Variants in TANC1 observed in about 807,000 individuals in gnomAD.
The protein encoded by TANC1 is protein TANC1.
TANC1 carries 77 observed loss-of-function variants against 149.7 expected under a neutral mutation model. The ratio of observed to expected loss-of-function variants is 0.51; its 90% CI spans 0.43 to 0.62. The LOEUF (loss-of-function observed/expected upper bound fraction) is 0.62, where lower values mean the gene tolerates loss of function less well. Among genes scored for constraint, TANC1 ranks in the 20% least tolerant of loss-of-function variants. The pLI is 0.00. For synonymous variants in TANC1, 854 were observed against 925.0 expected (o/e 0.92, Z 1.39); for missense variants, 1,985 against 2,321.8 (o/e 0.85, Z 2.98).
At chr2:159,047,516 G>C (rs2041163962) in intron 2 of TANC1, among the ~76,000 whole-genome samples, 1 of 152,028 alleles carries the variant, frequency 6.6e-6, no homozygotes, top group South Asian at 2.1e-4. Context: ...TCTATTCAAA[G>C]CCATCCCTCT....
chr2:159,109,878 A>G (rs543462666), intron 4 of TANC1, among the ~76,000 whole-genome samples: 6 of 152,362 alleles, frequency 3.9e-5, no homozygotes, highest in African/African-American at 1.2e-4. Context: ...GGAAATGCCA[A>G]GGAGAAGCTG....
At chr2:159,017,962 T>A (rs1036473470) in intron 2 of TANC1, among the ~76,000 whole-genome samples, 3 of 152,186 alleles carry the variant, frequency 2.0e-5, no homozygotes, top group African/African-American at 7.2e-5. Flanking sequence ...CTCCTATGTG[T>A]GTTGATTTAT....
chr2:159,042,068 A>G (rs934145463), intron 2 of TANC1, among the ~76,000 whole-genome samples: 1 of 152,102 alleles, frequency 6.6e-6, no homozygotes, highest in Non-Finnish European at 1.5e-5. Context: ...GGCTGAACCC[A>G]TCCCCTGTAT....
At chr2:158,998,519 A>C (rs1243818429) in intron 1 of TANC1, among the ~76,000 whole-genome samples, 1 of 152,134 alleles carries the variant, frequency 6.6e-6, no homozygotes, top group Admixed American at 6.5e-5. Flanking sequence ...AGTTGACGCT[A>C]TGTGATTGTG....
chr2:159,144,374 C>CTTTTTA (rs927664016), intron 5 of TANC1, among the ~76,000 whole-genome samples: 1 of 151,952 alleles, frequency 6.6e-6, no homozygotes, highest in Non-Finnish European at 1.5e-5. Flanking sequence ...ATGGATGTTC[C>CTTTTTA]TTTTTATTTT....
chr2:159,216,630 C>T (rs957096774), intron 19 of TANC1, among the ~76,000 whole-genome samples: 2 of 152,152 alleles, frequency 1.3e-5, no homozygotes, highest in Admixed American at 6.5e-5. Flanking sequence ...GGGAGGGTGT[C>T]GTGAGTACCC....
intron 3 of TANC1, among the ~76,000 whole-genome samples, chr2:159,096,841 C>T (rs1261831100): frequency 6.6e-6 from 1 of 152,098 alleles, no homozygotes; most frequent in Admixed American, 6.6e-5. Flanking sequence ...TTGACTGAAA[C>T]TAGAAGCGAG....
chr2:159,108,947 G>C (rs80002462), intron 4 of TANC1, among the ~76,000 whole-genome samples: 3,091 of 152,270 alleles, frequency 0.02, 55 homozygotes, highest in Non-Finnish European at 0.031. Context: ...GTGCCATGCA[G>C]GGAGCCCCTT....
chr2:158,989,758 G>A (rs890336938), intron 1 of TANC1, among the ~76,000 whole-genome samples: 1 of 152,092 alleles, frequency 6.6e-6, no homozygotes, highest in African/African-American at 2.4e-5. Context: ...AGGACTGCAT[G>A]TTTGACTTAG....
Position 159,202,996 on chromosome 2 carries a change from A to G in TANC1, c.3244+3943A>G, listed in dbSNP as rs138495622. On this transcript the variant is annotated intron_variant, in intron 19 of 26. Coordinates refer to ENST00000263635, the MANE Select transcript of TANC1 (RefSeq NM_033394.3). ...GGACTGTGTTTGCAAGTTCCAAGCC[A>G]CACTCAAGTGTGTGAGCCTGCTTGT... Among the ~76,000 whole-genome samples the G allele has an allele frequency of 7.3e-3, 1,109 of 152,210 alleles. 7 individuals are homozygous for G. Among genetic ancestry groups the G allele is most frequent in the Non-Finnish European group, 9.1e-3 (616 of 67,998 alleles).
At chr2:159,160,834 C>T (rs2053976759) in intron 7 of TANC1, among the ~76,000 whole-genome samples, 1 of 152,228 alleles carries the variant, frequency 6.6e-6, no homozygotes, top group African/African-American at 2.4e-5. Flanking sequence ...CATATAAACA[C>T]TGACCTTACA....
rs181161714 is a variant in TANC1 at position 159,100,636 on chromosome 2, G to A, written c.259+2802G>A. The stretch of plus-strand genomic sequence containing the variant: ...ATACATCTCTAACGGAGCAGTGCTT[G>A]TTCACTGCCCAAATTTGTACAGCAA... On this transcript the variant is annotated intron_variant, in intron 4 of 26. Coordinates refer to ENST00000263635, the MANE Select transcript of TANC1 (RefSeq NM_033394.3). 2.6e-5 allele frequency among the ~76,000 whole-genome samples: 4 copies of A among 152,268 alleles called. No individual in the cohort carries two copies. In the East Asian group the frequency reaches 7.7e-4, roughly 29 times the overall value.
At position 159,198,940 on chromosome 2, in the gene TANC1, G is replaced by A. The variant is rs541915644; in HGVS notation, c.3166-35G>A. The stretch of plus-strand genomic sequence containing the variant: ...GGCTATAATAAGCACCTCTTGCTAA[G>A]AGAACTCATTAAATCACCTTGCCAC... On this transcript the variant is annotated intron_variant, in intron 18 of 26. Transcript: ENST00000263635. The A allele has an allele frequency of 8.3e-5, 127 of 1,529,658 alleles. No homozygotes were observed. The South Asian group carries it at 1.4e-3, about 17-fold the overall frequency. 94.8% of individuals were successfully genotyped at this position (1,529,658 alleles called of 1,614,324 possible). A position where few individuals can be genotyped will look rare whatever the true frequency, so the allele number is the denominator to read the frequency against.
chr2:159,074,644 T>C (rs2043469276), intron 3 of TANC1, among the ~76,000 whole-genome samples: 3 of 152,226 alleles, frequency 2.0e-5, no homozygotes, highest in African/African-American at 4.8e-5. Flanking sequence ...ATATGACTTA[T>C]CTAGAAAGCT....
At chr2:159,151,127 C>T (rs777521134) in intron 7 of TANC1, among the ~76,000 whole-genome samples, 6 of 152,168 alleles carry the variant, frequency 3.9e-5, no homozygotes, top group East Asian at 1.9e-4. Flanking sequence ...CGGACTCTTA[C>T]GCCGATTTGC....
At chr2:158,975,317 T>C (rs1057443201) in intron 1 of TANC1, among the ~76,000 whole-genome samples, 2 of 152,218 alleles carry the variant, frequency 1.3e-5, no homozygotes, top group Admixed American at 1.3e-4. Context: ...TGACTGTGCT[T>C]ACTACTATAA....
chr2:159,081,002 G>T (rs2044215963), intron 3 of TANC1, among the ~76,000 whole-genome samples: 1 of 152,176 alleles, frequency 6.6e-6, no homozygotes, highest in African/African-American at 2.4e-5. Context: ...CTCCCTGTGG[G>T]AATGGTAGGC....
At chr2:159,046,652 T>C (rs2041078635) in intron 2 of TANC1, among the ~76,000 whole-genome samples, 1 of 139,822 alleles carries the variant, frequency 7.2e-6, no homozygotes, top group Admixed American at 7.8e-5. Context: ...CAGGCTAGAG[T>C]GCAGCGGCAC....
intron 15 of TANC1, among the ~76,000 whole-genome samples, chr2:159,186,205 A>C (rs17422119): frequency 0.23 from 35,438 of 152,048 alleles, 5,336 homozygotes; most frequent in Non-Finnish European, 0.35. Flanking sequence ...TTTGTTCATT[A>C]CTTTTTGTTT....
Sources: allele counts gnomAD v4.1 joint callset (sites outside exome capture counted in the v4.1 genomes callset), GRCh38; gene constraint gnomAD v4.1.1; transcripts MANE v1.5; gene names NCBI Gene and HGNC (gene_info 2026-07-23, HGNC 2026-07-21).